RANBP3: variants seen among roughly 807,000 people sequenced by gnomAD.
RANBP3 encodes the protein RAN binding protein 3, also known as ran-binding protein 3.
Under a neutral mutation model 77.3 loss-of-function variants are expected in RANBP3, and 14 were observed. The ratio of observed to expected loss-of-function variants is 0.18; its 90% CI spans 0.12 to 0.28. The LOEUF (loss-of-function observed/expected upper bound fraction) is 0.28, where lower values mean the gene tolerates loss of function less well. RANBP3 is among the 10% of genes least tolerant of loss of function. The probability of loss-of-function intolerance (pLI) is 1.00; values close to 1 mark genes in which losing one functional copy is unlikely to be tolerated. For synonymous variants in RANBP3, 315 were observed against 312.4 expected, an observed-to-expected ratio of 1.01 and a Z score of -0.09; for missense variants, 586 against 752.3, an observed-to-expected ratio of 0.78 and a Z score of 2.59.
chr19:5,956,434 A>G (rs2058335737), intron 2 of RANBP3, among the ~76,000 whole-genome samples: 1 of 152,228 alleles, frequency 6.6e-6, no homozygotes. Context: ...TCAGGGCCCA[A>G]GGGAGAGGAG....
intron 2 of RANBP3, among the ~76,000 whole-genome samples, chr19:5,954,241 G>C (rs990452292): frequency 6.6e-6 from 1 of 152,108 alleles, no homozygotes; most frequent in Admixed American, 6.5e-5. Flanking sequence ...CTGAGATCTC[G>C]TTTACTGAAA....
Position 5,918,655 on chromosome 19 carries a change from C to T in RANBP3, c.1331-17G>A. On this transcript the variant is annotated splice_polypyrimidine_tract_variant and intron_variant, in intron 14 of 16. Transcript: ENST00000340578. ...TCCGCATCACTACAACCAACAAGGC[C>T]ACTCAGCCCTGGCCCCCACACCGGC... 6.2e-7 allele frequency: 1 copy of T among 1,612,460 alleles called. No individual in the cohort carries two copies. The highest frequency in any genetic ancestry group is 8.5e-7 in the Non-Finnish European group (1 of 1,179,012).
At chr19:5,941,082 C>T (rs967829584) in intron 5 of RANBP3, among the ~76,000 whole-genome samples, 3 of 152,346 alleles carry the variant, frequency 2.0e-5, no homozygotes, top group Admixed American at 6.5e-5. Context: ...TCCAGGCCCC[C>T]GCAAGCTCCT....
intron 1 of RANBP3, among the ~76,000 whole-genome samples, chr19:5,970,547 G>A (rs971646852): frequency 2.6e-5 from 4 of 152,130 alleles, no homozygotes; most frequent in African/African-American, 9.7e-5. Flanking sequence ...GAGTGGATGG[G>A]TGGGATGACT....
intron 1 of RANBP3, among the ~76,000 whole-genome samples, chr19:5,971,756 C>G (rs2058533105): frequency 6.6e-6 from 1 of 152,192 alleles, no homozygotes; most frequent in Admixed American, 6.5e-5. Flanking sequence ...TGCTAAGGTT[C>G]TAGCTAAAGA....
At chr19:5,969,307 C>G (rs887125268) in intron 1 of RANBP3, among the ~76,000 whole-genome samples, 10 of 152,238 alleles carry the variant, frequency 6.6e-5, no homozygotes, top group Non-Finnish European at 1.5e-4. Flanking sequence ...TTCTCACCCT[C>G]TCCCCCAGAG....
At chr19:5,953,786 GCC>G (rs2058302786) in intron 2 of RANBP3, among the ~76,000 whole-genome samples, 1 of 152,162 alleles carries the variant, frequency 6.6e-6, no homozygotes, top group African/African-American at 2.4e-5. Context: ...GAGACAGCAC[GCC>G]CCTCCCCAGG....
chr19:5,946,573 G>A (rs938100445), intron 3 of RANBP3, among the ~76,000 whole-genome samples: 1 of 152,212 alleles, frequency 6.6e-6, no homozygotes, highest in Non-Finnish European at 1.5e-5. Context: ...ACCCAGCGGA[G>A]GGAAGCAAGA....
Position 5,978,108 on chromosome 19 carries a change from G to T in RANBP3, c.-26C>A, listed in dbSNP as rs759267134. Reference sequence around the variant, plus strand: ...TTTACTTCCTTAAGCCCTCCCACAAGGCCCCGCGCCGGCCCAGGCTCGCCT... The same window carrying T: ...TTTACTTCCTTAAGCCCTCCCACAATGCCCCGCGCCGGCCCAGGCTCGCCT... On this transcript the variant is annotated 5_prime_UTR_variant, in exon 1 of 17. Coordinates refer to ENST00000340578, the MANE Select transcript of RANBP3 (RefSeq NM_007322.3). 4 of 1,603,072 alleles carry T rather than the reference G, an allele frequency of 2.5e-6. No homozygotes were observed. The African/African-American group carries it at 5.4e-5, about 22-fold the overall frequency.
chr19:5,948,063 A>G (rs1158308252), intron 3 of RANBP3, among the ~76,000 whole-genome samples: 4 of 152,210 alleles, frequency 2.6e-5, no homozygotes, highest in Non-Finnish European at 4.4e-5. Flanking sequence ...CCGACTCCAC[A>G]GACACAAAGA....
intron 5 of RANBP3, among the ~76,000 whole-genome samples, chr19:5,935,259 T>G (rs973233072): frequency 6.6e-6 from 1 of 152,152 alleles, no homozygotes; most frequent in African/African-American, 2.4e-5. Flanking sequence ...CTTACTATAA[T>G]AGTTGTATGA....
Position 5,960,847 on chromosome 19 carries a change from T to C in RANBP3, c.23-2874A>G, listed in dbSNP as rs923856537. Among the ~76,000 whole-genome samples the C allele has an allele frequency of 2.6e-5, 4 of 152,182 alleles. No homozygotes were observed. In the East Asian group the frequency reaches 5.8e-4, roughly 22 times the overall value. ...GGACACACGGCAGGGCTGAGGGGCA[T>C]GGGCCAGGAGAGGGCCCCTCTGATG... On this transcript the variant is annotated intron_variant, in intron 1 of 16. Transcript: ENST00000340578.
In RANBP3 at chr19:5,952,839, C is replaced by T. The variant is rs891383583; in HGVS notation, c.79-1243G>A. ...CCTCTTCGTATCCAGGGCAGAGCCA[C>T]GGACCAGCCGCTCTCTAAACCTGGC... On this transcript the variant is annotated intron_variant, in intron 2 of 16. Transcript: ENST00000340578. This position sits in a 1 kb window ranked among gnomAD's most constrained non-coding sequence, Gnocchi z 4.1. 3.9e-5 allele frequency among the ~76,000 whole-genome samples: 6 copies of T among 152,278 alleles called. No individual in the cohort carries two copies. The South Asian group carries it at 8.3e-4, about 21-fold the overall frequency.
intron 5 of RANBP3, among the ~76,000 whole-genome samples, chr19:5,938,597 CAGG>C (rs975768835): frequency 1.3e-5 from 2 of 152,150 alleles, no homozygotes; most frequent in Non-Finnish European, 2.9e-5. Flanking sequence ...GAGGCTGAGG[CAGG>C]AGAATTGCTT....
At chr19:5,964,445 CA>C (rs1599791236) in intron 1 of RANBP3, among the ~76,000 whole-genome samples, 2 of 152,152 alleles carry the variant, frequency 1.3e-5, no homozygotes, top group East Asian at 3.9e-4. Context: ...ATTCCCTCAG[CA>C]ATTCCACACA....
rs139677875 is a variant in RANBP3, at chr19:5,962,599, T to C, written c.23-4626A>G. On this transcript the variant is annotated intron_variant, in intron 1 of 16. Coordinates refer to ENST00000340578, the MANE Select transcript of RANBP3 (RefSeq NM_007322.3). ...ACCAAGAGGATACAGCAATAGGAGATGAACTTGGCCCATCTCGGCCCATTG... is the reference window on the plus strand; with the variant it reads ...ACCAAGAGGATACAGCAATAGGAGACGAACTTGGCCCATCTCGGCCCATTG... 2.9e-4 allele frequency: 133 copies of C among 453,370 alleles called. No individual in the cohort carries two copies. The East Asian group carries it at 9.1e-3, about 31-fold the overall frequency. The allele number at this position is 453,370 out of a possible 1,614,324, so 28.1% of individuals were successfully genotyped here.
chr19:5,963,523 G>A (rs1376951174), intron 1 of RANBP3, among the ~76,000 whole-genome samples: 1 of 152,204 alleles, frequency 6.6e-6, no homozygotes, highest in Non-Finnish European at 1.5e-5. Flanking sequence ...TGCACTCCAG[G>A]CTGGGTGACA....
intron 3 of RANBP3, among the ~76,000 whole-genome samples, chr19:5,947,644 G>C (rs913689756): frequency 2.6e-5 from 4 of 152,242 alleles, no homozygotes; most frequent in African/African-American, 4.8e-5. Flanking sequence ...GGAGTGAACA[G>C]AGCAGGCTCA....
chr19:5,973,256 CTAG>C (rs745594652), intron 1 of RANBP3, among the ~76,000 whole-genome samples: 61 of 152,184 alleles, frequency 4.0e-4, no homozygotes, highest in Non-Finnish European at 7.9e-4. Context: ...CTCTCAGGGG[CTAG>C]GTTTTAAGTC....
Sources: gnomAD v4.1 joint callset for allele counts (sites outside exome capture counted in the v4.1 genomes callset) on GRCh38, gnomAD v4.1.1 for gene constraint, Gnocchi (gnomAD v3.1) non-coding constraint, MANE v1.5 for transcripts, NCBI Gene and HGNC (gene_info 2026-07-23, HGNC 2026-07-21) for gene names.